Variants in RAB37 observed in about 807,000 individuals in gnomAD.
RAB37 encodes ras-related protein Rab-37.
RAB37 carries 29 observed loss-of-function variants against 33.1 expected under a neutral mutation model. That is an observed-to-expected ratio of 0.88 (90% CI 0.65 to 1.20). The LOEUF (loss-of-function observed/expected upper bound fraction) is 1.20, where lower values mean the gene tolerates loss of function less well. RAB37 is among the 50% of genes most tolerant of loss of function. The pLI, the probability that RAB37 is intolerant of heterozygous loss-of-function variation, is 0.00. For missense variants in RAB37, 299 were observed against 301.1 expected, an observed-to-expected ratio of 0.99 and a Z score of 0.05; for synonymous variants, 128 against 119.5, an observed-to-expected ratio of 1.07 and a Z score of -0.47.
At chr17:74,719,887 A>G (rs2034216624) in intron 1 of RAB37, among the ~76,000 whole-genome samples, 1 of 152,098 alleles carries the variant, frequency 6.6e-6, no homozygotes, top group East Asian at 1.9e-4. Context: ...TCTTATCTCC[A>G]TTTCCCACCT....
chr17:74,743,172 A>G lies in RAB37; in HGVS notation c.290A>G (p.His97Arg), dbSNP rs929071371. ...AGQERFRSVTHAYYRDAQALL... is the reference protein window; with the variant it reads ...AGQERFRSVTRAYYRDAQALL... The stretch of plus-strand genomic sequence containing the variant: ...CAGGAACGGTTCCGAAGCGTCACCC[A>G]TGCTTATTACAGAGATGCTCAGGGT... The change falls in exon 4 of 9, where the codon CAT becomes CGT. Residue 97 changes from histidine to arginine, a missense_variant. Coordinates refer to ENST00000392613, the MANE Select transcript of RAB37 (RefSeq NM_001006638.3). 1 of 1,613,600 alleles carries G rather than the reference A, an allele frequency of 6.2e-7. No individual in the cohort carries two copies. Among genetic ancestry groups the G allele is most frequent in the African/African-American group, 1.3e-5 (1 of 74,874 alleles).
intron 1 of RAB37, among the ~76,000 whole-genome samples, chr17:74,683,425 C>T (rs1315882659): frequency 6.6e-6 from 1 of 152,192 alleles, no homozygotes; most frequent in Non-Finnish European, 1.5e-5. Context: ...TTTTCCATTG[C>T]TGTGTAGGGC....
chr17:74,698,806 C>T (rs183872613), intron 1 of RAB37, among the ~76,000 whole-genome samples: 17 of 152,136 alleles, frequency 1.1e-4, no homozygotes, highest in Non-Finnish European at 2.4e-4. Context: ...TACACAAAAC[C>T]CCGGTGACGT....
rs373913183 is a variant in RAB37, at chr17:74,745,457, C to T, written c.*46C>T. ...GGCTCTGGAGGCACACAGGATGCAG[C>T]CTTCCCCCTCCCAGGCCTGGCTTAT... On this transcript the variant is annotated 3_prime_UTR_variant, in exon 9 of 9. Coordinates refer to ENST00000392613, the MANE Select transcript of RAB37 (RefSeq NM_001006638.3). The surrounding 1 kb of genome is among the most constrained non-coding windows in gnomAD (Gnocchi z 4.5). 6.8e-7 allele frequency: 1 copy of T among 1,477,596 alleles called. No individual in the cohort carries two copies. Among genetic ancestry groups the T allele is most frequent in the Admixed American group, 1.7e-5 (1 of 59,576 alleles). 91.5% of individuals were successfully genotyped at this position (1,477,596 alleles called of 1,614,324 possible).
At chr17:74,691,670 C>A (rs1391800829) in intron 1 of RAB37, among the ~76,000 whole-genome samples, 1 of 152,142 alleles carries the variant, frequency 6.6e-6, no homozygotes, top group Non-Finnish European at 1.5e-5. Flanking sequence ...TCAGAAGTTT[C>A]ATGGCAATAA....
At chr17:74,705,259 A>G (rs933613282) in intron 1 of RAB37, 1 of 701,948 alleles carries the variant, frequency 1.4e-6, no homozygotes, top group East Asian at 2.7e-5. Flanking sequence ...GCCACATCAG[A>G]TGGCTGTGGA....
intron 1 of RAB37, among the ~76,000 whole-genome samples, chr17:74,708,184 G>GA (rs543996074): frequency 8.1e-4 from 119 of 147,572 alleles, no homozygotes; most frequent in Non-Finnish European, 1.4e-3. Context: ...AGAAAGAAAA[G>GA]AAAAAAAATA....
intron 1 of RAB37, among the ~76,000 whole-genome samples, chr17:74,705,751 C>G (rs192328718): frequency 3.9e-5 from 6 of 152,014 alleles, no homozygotes; most frequent in Non-Finnish European, 8.8e-5. Context: ...CATGCCTCCA[C>G]GCCTGGCTAA....
intron 1 of RAB37, chr17:74,695,760 G>A: frequency 1.9e-6 from 3 of 1,614,166 alleles, no homozygotes; most frequent in East Asian, 2.2e-5. Flanking sequence ...TGGTCAACCT[G>A]GGCAGAGGAA....
intron 1 of RAB37, among the ~76,000 whole-genome samples, chr17:74,721,688 C>T (rs950629024): frequency 4.6e-5 from 7 of 152,132 alleles, no homozygotes; most frequent in Non-Finnish European, 1.0e-4. Context: ...CTCGGCCTCC[C>T]AAAGTGCTGG....
intron 1 of RAB37, among the ~76,000 whole-genome samples, chr17:74,684,863 A>AGATAGAT (rs1286495540): frequency 3.5e-5 from 5 of 143,224 alleles, no homozygotes; most frequent in African/African-American, 1.3e-4. Context: ...TGAGATAGAT[A>AGATAGAT]GATAGATAGA....
At chr17:74,720,157 A>G (rs748071742) in intron 1 of RAB37, among the ~76,000 whole-genome samples, 25 of 152,204 alleles carry the variant, frequency 1.6e-4, no homozygotes, top group Non-Finnish European at 3.4e-4. Flanking sequence ...ACCAGCAGGG[A>G]CGAACTTTAC....
chr17:74,736,217 A>G (rs1394780963), upstream of RAB37, among the ~76,000 whole-genome samples: 5 of 151,914 alleles, frequency 3.3e-5, no homozygotes, highest in South Asian at 8.3e-4. Flanking sequence ...TGTCTGAAAA[A>G]AAAAAAAAGT....
intron 1 of RAB37, among the ~76,000 whole-genome samples, chr17:74,674,600 C>T (rs1363683369): frequency 1.3e-5 from 2 of 152,058 alleles, no homozygotes; most frequent in Non-Finnish European, 2.9e-5. Context: ...ATCACTTGAA[C>T]CGAGGAGGTG....
Position 74,687,260 on chromosome 17 carries a change from A to G in RAB37, c.72+15602A>G, listed in dbSNP as rs540195432. Among the ~76,000 whole-genome samples the G allele has an allele frequency of 2.6e-5, 4 of 151,732 alleles. No individual in the cohort carries two copies. The South Asian group carries it at 6.2e-4, about 24-fold the overall frequency. On this transcript the variant is annotated intron_variant, in intron 1 of 7. Transcript: ENST00000340415. ...TTTATTTGAGATGGAGTCTTGCTCT[A>G]TCTCCCAGGCTGGAGTGCAATGGCA...
intron 1 of RAB37, among the ~76,000 whole-genome samples, chr17:74,678,993 C>A (rs1369650371): frequency 1.3e-5 from 2 of 151,916 alleles, no homozygotes. Flanking sequence ...CGCCTGTAAC[C>A]CCAGCTACTT....
chr17:74,740,873 T>A lies in RAB37; in HGVS notation c.199T>A (p.Phe67Ile). ...GTFIATVGID[F>I]RNKVVTVDGV... is the part of the protein sequence containing the mutation. Reference sequence around the variant, plus strand: ...CTTCATAGCCACCGTCGGCATAGACTTCAGGGTGAGGTGGCTGCAGGCACT... The same window carrying A: ...CTTCATAGCCACCGTCGGCATAGACATCAGGGTGAGGTGGCTGCAGGCACT... Residue 67 changes from phenylalanine (F) to isoleucine (I), a missense_variant, in exon 2 of 9, where the codon TTC (phenylalanine) becomes ATC (isoleucine). By Grantham distance (21) the Phe-to-Ile change is conservative (BLOSUM62 0). Transcript: ENST00000392613. The A allele has an allele frequency of 6.2e-7, 1 of 1,609,452 alleles. No homozygotes were observed. Among genetic ancestry groups the A allele is most frequent in the South Asian group, 1.1e-5 (1 of 90,996 alleles).
At chr17:74,741,975 C>A (rs1598327450) in intron 2 of RAB37, among the ~76,000 whole-genome samples, 1 of 152,182 alleles carries the variant, frequency 6.6e-6, no homozygotes, top group East Asian at 1.9e-4. Context: ...GCCCTCCAGC[C>A]CTGGGCTGCC....
intron 1 of RAB37, among the ~76,000 whole-genome samples, chr17:74,724,313 A>G (rs77323401): frequency 0.022 from 3,414 of 152,332 alleles, 119 homozygotes; most frequent in East Asian, 0.16. Flanking sequence ...TCCAGATCAC[A>G]GATAGTTGCA....
Sources: gnomAD v4.1 joint callset for allele counts (sites outside exome capture counted in the v4.1 genomes callset) on GRCh38, gnomAD v4.1.1 for gene constraint, Gnocchi (gnomAD v3.1) non-coding constraint, MANE v1.5 for transcripts, NCBI Gene and HGNC (gene_info 2026-07-23, HGNC 2026-07-21) for gene names.